Variants in NLGN1 observed in about 807,000 individuals in gnomAD.
NLGN1 encodes neuroligin 1, also known as neuroligin-1.
Under a neutral mutation model 65.5 loss-of-function variants are expected in NLGN1, and 12 were observed. The ratio of observed to expected loss-of-function variants is 0.18; its 90% CI spans 0.12 to 0.30. The LOEUF (loss-of-function observed/expected upper bound fraction) is 0.30, where lower values mean the gene tolerates loss of function less well. Among genes scored for constraint, NLGN1 ranks in the 10% least tolerant of loss-of-function variants. NLGN1 has a pLI of 1.00. For synonymous variants in NLGN1, 350 were observed against 359.5 expected, an observed-to-expected ratio of 0.97 and a Z score of 0.30; for missense variants, 750 against 1,007.1, an observed-to-expected ratio of 0.74 and a Z score of 3.46.
intron 4 of NLGN1, among the ~76,000 whole-genome samples, chr3:174,204,409 G>A (rs1484748208): frequency 6.6e-6 from 1 of 152,206 alleles, no homozygotes; most frequent in Non-Finnish European, 1.5e-5. Flanking sequence ...CTGATGTAAA[G>A]AAATCTTCAT....
chr3:173,988,035 G>A (rs759049917), intron 4 of NLGN1, among the ~76,000 whole-genome samples: 76 of 152,126 alleles, frequency 5.0e-4, no homozygotes, highest in Admixed American at 1.6e-3. Context: ...GGGAAAACTC[G>A]CCTTTTTTCT....
intron 4 of NLGN1, among the ~76,000 whole-genome samples, chr3:174,254,363 G>T (rs1745305382): frequency 1.0e-5 from 1 of 100,372 alleles, no homozygotes. Context: ...TGAGAAACTT[G>T]AATTATCTTT....
intron 4 of NLGN1, among the ~76,000 whole-genome samples, chr3:174,146,076 T>A (rs1047907051): frequency 1.3e-5 from 2 of 151,766 alleles, no homozygotes; most frequent in African/African-American, 4.8e-5. Context: ...ATATAACCTA[T>A]TAATCTATTC....
At chr3:173,737,709 T>G (rs1560268698) in intron 3 of NLGN1, among the ~76,000 whole-genome samples, 1 of 152,122 alleles carries the variant, frequency 6.6e-6, no homozygotes, top group Admixed American at 6.6e-5. Context: ...CTCATGCTCC[T>G]ACGAACATTC....
At chr3:174,144,984 A>G (rs572046962) in intron 4 of NLGN1, among the ~76,000 whole-genome samples, 15 of 151,984 alleles carry the variant, frequency 9.9e-5, no homozygotes, top group Admixed American at 2.0e-4. Context: ...GCCCATGCCT[A>G]TGTCCTGAAT....
intron 4 of NLGN1, among the ~76,000 whole-genome samples, chr3:174,167,569 T>G (rs978864695): frequency 1.3e-5 from 2 of 151,486 alleles, no homozygotes; most frequent in African/African-American, 4.9e-5. Context: ...CCTAATGGGG[T>G]TCCCTTTGTA....
At chr3:174,014,181 C>T (rs1726091597) in intron 4 of NLGN1, among the ~76,000 whole-genome samples, 1 of 152,130 alleles carries the variant, frequency 6.6e-6, no homozygotes, top group East Asian at 1.9e-4. Context: ...CCCCAAGCCC[C>T]GTGAAACATA....
intron 4 of NLGN1, among the ~76,000 whole-genome samples, chr3:173,889,676 A>G (rs1276975582): frequency 6.6e-6 from 1 of 152,166 alleles, no homozygotes; most frequent in African/African-American, 2.4e-5. Flanking sequence ...GAATAAAAGA[A>G]CACAGCAAAC....
At chr3:173,668,798 A>T (rs1240058081) in intron 3 of NLGN1, among the ~76,000 whole-genome samples, 2 of 151,292 alleles carry the variant, frequency 1.3e-5, no homozygotes, top group African/African-American at 4.9e-5. Context: ...TAATTTTTGT[A>T]TTTTTAGTAG....
In NLGN1 at chr3:173,722,353, CCTT is replaced by C. The variant is rs1770996688; in HGVS notation, c.494-85324_494-85322del. Among the ~76,000 whole-genome samples, 3 of 149,816 alleles carry C rather than the reference CCTT, an allele frequency of 2.0e-5. No homozygotes were observed. In the South Asian group the frequency reaches 6.3e-4, roughly 32 times the overall value. On this transcript the variant is annotated intron_variant, in intron 3 of 6. Transcript: ENST00000457714. ...CTGCCTCCCAGGCTCAAGCGATTCT[CCTT>C]CTCAGTCTCCAGAGTAGCTGGGATT...
rs188478461 is a variant in NLGN1, at chr3:173,781,829, A to G, written c.494-25851A>G. On this transcript the variant is annotated intron_variant, in intron 3 of 6. Coordinates refer to ENST00000457714, the Ensembl canonical transcript of NLGN1. ...AGATGAAATATTTTTTAAACAAAGT[A>G]TATTAGGCACTGGTACTCTTGGTAG... 2.2e-4 allele frequency among the ~76,000 whole-genome samples: 33 copies of G among 152,348 alleles called. No individual in the cohort carries two copies. The East Asian group carries it at 5.8e-3, about 27-fold the overall frequency.
At chr3:174,032,318 A>G (rs1730186434) in intron 4 of NLGN1, among the ~76,000 whole-genome samples, 1 of 152,202 alleles carries the variant, frequency 6.6e-6, no homozygotes, top group African/African-American at 2.4e-5. Flanking sequence ...AAAGTATTAC[A>G]TTGAAAAATA....
intron 4 of NLGN1, among the ~76,000 whole-genome samples, chr3:173,980,609 T>G (rs1718570208): frequency 6.6e-6 from 1 of 152,040 alleles, no homozygotes; most frequent in Non-Finnish European, 1.5e-5. Flanking sequence ...GGATTACTGA[T>G]CAAAATATAA....
At chr3:173,510,878 T>A (rs1053100101) in intron 2 of NLGN1, among the ~76,000 whole-genome samples, 1 of 152,210 alleles carries the variant, frequency 6.6e-6, no homozygotes, top group Non-Finnish European at 1.5e-5. Context: ...ACAATTTTCA[T>A]TGTTACTACT....
intron 3 of NLGN1, among the ~76,000 whole-genome samples, chr3:173,794,551 A>C (rs1274348372): frequency 6.6e-6 from 1 of 152,126 alleles, no homozygotes; most frequent in African/African-American, 2.4e-5. Context: ...AAGTCAGGGC[A>C]ATGGAGAGTG....
chr3:173,924,725 T>C (rs1742706513), intron 4 of NLGN1, among the ~76,000 whole-genome samples: 2 of 152,278 alleles, frequency 1.3e-5, no homozygotes, highest in African/African-American at 4.8e-5. Context: ...TTGGGAATTA[T>C]ATATTTTTAA....
intron 4 of NLGN1, among the ~76,000 whole-genome samples, chr3:173,917,963 T>C (rs1324622755): frequency 1.3e-5 from 2 of 152,074 alleles, no homozygotes; most frequent in Non-Finnish European, 2.9e-5. Flanking sequence ...AGTTTGTCCA[T>C]TTGTAAGTTA....
intron 3 of NLGN1, among the ~76,000 whole-genome samples, chr3:173,716,178 G>A (rs971774392): frequency 3.3e-5 from 5 of 152,116 alleles, no homozygotes; most frequent in Admixed American, 6.6e-5. Context: ...GAATTTGCAC[G>A]TTCAGGAAAG....
chr3:173,787,073 G>A (rs988792672), intron 3 of NLGN1, among the ~76,000 whole-genome samples: 12 of 52,374 alleles, frequency 2.3e-4, no homozygotes, highest in African/African-American at 1.3e-3. Context: ...GCAAAACTCC[G>A]TCTCAAAAAA....
Sources: gnomAD v4.1 joint callset for allele counts (sites outside exome capture counted in the v4.1 genomes callset) on GRCh38, gnomAD v4.1.1 for gene constraint, MANE v1.5 for transcripts, NCBI Gene and HGNC (gene_info 2026-07-23, HGNC 2026-07-21) for gene names.